The following SKAP1 variants were observed in gnomAD, a reference collection of about 807,000 sequenced individuals.
SKAP1 encodes src kinase-associated phosphoprotein 1.
SKAP1 carries 44 observed loss-of-function variants against 58.5 expected under a neutral mutation model. The observed-to-expected ratio is 0.75, with a 90% CI of 0.59 to 0.97. The LOEUF is 0.97. Among genes scored for constraint, SKAP1 ranks in the 50% least tolerant of loss-of-function variants. The pLI, the probability that SKAP1 is intolerant of heterozygous loss-of-function variation, is 0.00. For missense variants in SKAP1, 390 were observed against 435.2 expected (o/e 0.90, Z 0.92); for synonymous variants, 127 against 149.7 (o/e 0.85, Z 1.11).
intron 11 of SKAP1, among the ~76,000 whole-genome samples, chr17:48,145,608 C>T (rs960078955): frequency 4.0e-4 from 61 of 152,196 alleles, no homozygotes; most frequent in African/African-American, 1.4e-3. Context: ...GGCCCTGAGT[C>T]CCTGTGTGGT....
chr17:48,331,960 T>G (rs189247249), intron 4 of SKAP1, among the ~76,000 whole-genome samples: 1 of 152,276 alleles, frequency 6.6e-6, no homozygotes, highest in Non-Finnish European at 1.5e-5. Flanking sequence ...ATATTATTTC[T>G]TAACATACCT....
chr17:48,235,295 G>T (rs2065168151), intron 4 of SKAP1, among the ~76,000 whole-genome samples: 1 of 152,170 alleles, frequency 6.6e-6, no homozygotes, highest in African/African-American at 2.4e-5. Context: ...GAACATAAAT[G>T]TGTATACTTA....
intron 1 of SKAP1, among the ~76,000 whole-genome samples, chr17:48,407,854 C>CA (rs71366874): frequency 0.11 from 14,105 of 123,338 alleles, 1,060 homozygotes; most frequent in African/African-American, 0.21. Context: ...ACTTTGTCTC[C>CA]AAAAAAAAAA....
chr17:48,263,350 A>G (rs977350043), intron 4 of SKAP1, among the ~76,000 whole-genome samples: 1 of 152,230 alleles, frequency 6.6e-6, no homozygotes, highest in Non-Finnish European at 1.5e-5. Flanking sequence ...TTCCATATGA[A>G]TGTGGAAACT....
intron 4 of SKAP1, among the ~76,000 whole-genome samples, chr17:48,207,500 A>AG (rs2064824057): frequency 1.3e-5 from 2 of 151,826 alleles, no homozygotes; most frequent in African/African-American, 4.8e-5. Context: ...AAAAAAAAAA[A>AG]AAGAAAAAAA....
intron 5 of SKAP1, among the ~76,000 whole-genome samples, chr17:48,189,081 C>CTACACAGT (rs1222767610): frequency 1.3e-5 from 2 of 152,170 alleles, no homozygotes; most frequent in African/African-American, 2.4e-5. Context: ...GATACAAAAA[C>CTACACAGT]TACACAGTGG....
chr17:48,235,672 C>T (rs1230539289), intron 4 of SKAP1, among the ~76,000 whole-genome samples: 3 of 152,176 alleles, frequency 2.0e-5, no homozygotes, highest in Non-Finnish European at 4.4e-5. Context: ...TGCAGCAAAG[C>T]TGAGGATGGC....
intron 9 of SKAP1, among the ~76,000 whole-genome samples, chr17:48,171,734 A>AGAGTGTGT (rs149868073): frequency 2.0e-4 from 30 of 149,102 alleles, no homozygotes; most frequent in African/African-American, 7.2e-4. Flanking sequence ...AGGATGTTAG[A>AGAGTGTGT]GTGTGTGTGT....
intron 4 of SKAP1, among the ~76,000 whole-genome samples, chr17:48,331,260 G>C (rs945816743): frequency 6.6e-5 from 10 of 152,242 alleles, no homozygotes; most frequent in Middle Eastern, 3.4e-3. Context: ...TTGTTAATAT[G>C]ATGTGGATTT....
chr17:48,202,185 G>A (rs1172135289), intron 4 of SKAP1, among the ~76,000 whole-genome samples: 2 of 152,148 alleles, frequency 1.3e-5, no homozygotes, highest in African/African-American at 4.8e-5. Flanking sequence ...AAGACATTCA[G>A]ATATCATCAG....
chr17:48,272,410 G>T (rs574524867), intron 4 of SKAP1, among the ~76,000 whole-genome samples: 10 of 151,934 alleles, frequency 6.6e-5, no homozygotes, highest in Non-Finnish European at 1.3e-4. Context: ...GGGATTACAG[G>T]CGTGAGACAT....
At chr17:48,135,387 A>G (rs2063685704) in intron 12 of SKAP1, among the ~76,000 whole-genome samples, 1 of 152,186 alleles carries the variant, frequency 6.6e-6, no homozygotes, top group African/African-American at 2.4e-5. Context: ...ACTCTGCACC[A>G]AAGTGGCTCC....
intron 9 of SKAP1, among the ~76,000 whole-genome samples, chr17:48,174,256 T>G (rs930019772): frequency 1.3e-5 from 2 of 152,230 alleles, no homozygotes; most frequent in African/African-American, 2.4e-5. Context: ...ATCTGTTTTA[T>G]CTAACACCGT....
intron 4 of SKAP1, among the ~76,000 whole-genome samples, chr17:48,217,898 T>C (rs2064959855): frequency 6.6e-6 from 1 of 152,204 alleles, no homozygotes; most frequent in Non-Finnish European, 1.5e-5. Context: ...GGTCACAGCA[T>C]AGGAACATCT....
intron 4 of SKAP1, among the ~76,000 whole-genome samples, chr17:48,274,682 G>A (rs957384046): frequency 4.0e-5 from 6 of 150,346 alleles, no homozygotes; most frequent in African/African-American, 1.5e-4. Flanking sequence ...GGCAACAAGA[G>A]TGAAACTCCT....
chr17:48,170,521 A>C, intron 10 of SKAP1, 88 bp downstream of exon 10: 1 of 1,143,014 alleles, frequency 8.7e-7, no homozygotes, highest in Non-Finnish European at 1.3e-6. Flanking sequence ...GAGTTCAGTA[A>C]TTTTTGTAGT....
rs565771071 is a variant in SKAP1, at chr17:48,387,564, G to A, written c.152+9116C>T. Reference sequence around the variant, plus strand: ...TGCTTTGTGAACTTTTGTCTCTGGTGCTTGAGAGACTGTCCTAATATCCCC... The same window carrying A: ...TGCTTTGTGAACTTTTGTCTCTGGTACTTGAGAGACTGTCCTAATATCCCC... On this transcript the variant is annotated intron_variant, in intron 2 of 12. Coordinates refer to ENST00000336915, the MANE Select transcript of SKAP1 (RefSeq NM_003726.4). Among the ~76,000 whole-genome samples, 54 of 152,266 alleles carry A rather than the reference G, an allele frequency of 3.5e-4. 2 individuals are homozygous for A. The South Asian group carries it at 0.011, about 31-fold the overall frequency.
Position 48,195,662 on chromosome 17 carries a change from C to T in SKAP1, c.281-6162G>A, listed in dbSNP as rs557487625. ...GTACTTAATCAAGTTCTTCAACAAG[C>T]TGTGATGTAAGAAGCTAGGAAACAG... On this transcript the variant is annotated intron_variant, in intron 4 of 12. Transcript: ENST00000336915. Among the ~76,000 whole-genome samples, 5 of 152,238 alleles carry T rather than the reference C, an allele frequency of 3.3e-5. No homozygotes were observed. The South Asian group carries it at 1.0e-3, about 32-fold the overall frequency.
chr17:48,338,198 G>T (rs1185917381), intron 4 of SKAP1, among the ~76,000 whole-genome samples: 2 of 150,062 alleles, frequency 1.3e-5, no homozygotes, highest in Non-Finnish European at 3.0e-5. Context: ...CACCCAGGCT[G>T]GAGTGCAGTG....
Sources: allele counts gnomAD v4.1 joint callset (sites outside exome capture counted in the v4.1 genomes callset), GRCh38; gene constraint gnomAD v4.1.1; transcripts MANE v1.5; gene names NCBI Gene and HGNC (gene_info 2026-07-23, HGNC 2026-07-21).